TNS1: variants seen among roughly 807,000 people sequenced by gnomAD.
TNS1 encodes tensin-1.
TNS1 carries 62 observed loss-of-function variants against 168.6 expected under a neutral mutation model. The observed-to-expected ratio is 0.37, with a 90% confidence interval of 0.30 to 0.45. The LOEUF (loss-of-function observed/expected upper bound fraction) is 0.45, where lower values mean the gene tolerates loss of function less well. Ranked by LOEUF, TNS1 falls within the 20% of genes least tolerant of loss-of-function variation. TNS1 has a pLI of 1.00. For synonymous variants in TNS1, 934 were observed against 933.2 expected (o/e 1.00, Z -0.02); for missense variants, 2,240 against 2,339.4 (o/e 0.96, Z 0.88).
intron 3 of TNS1, among the ~76,000 whole-genome samples, chr2:217,931,098 T>C (rs1428652031): frequency 6.6e-6 from 1 of 152,054 alleles, no homozygotes; most frequent in Non-Finnish European, 1.5e-5. Flanking sequence ...TGAATGAGGA[T>C]GGCCCCGCCC....
chr2:217,837,708 T>C (rs1459856125), intron 19 of TNS1, among the ~76,000 whole-genome samples: 1 of 152,256 alleles, frequency 6.6e-6, no homozygotes, highest in African/African-American at 2.4e-5. Context: ...AACTAGACTC[T>C]GACCTCACTC....
chr2:217,943,131 C>A (rs1956999082), intron 3 of TNS1, among the ~76,000 whole-genome samples: 1 of 152,102 alleles, frequency 6.6e-6, no homozygotes, highest in Admixed American at 6.5e-5. Flanking sequence ...GTTCATTAAC[C>A]ACCTGGATTA....
chr2:217,803,657 A>C lies in TNS1; in HGVS notation c.*802T>G, dbSNP rs1014900556. On this transcript the variant is annotated 3_prime_UTR_variant, in exon 33 of 33. Coordinates refer to ENST00000682258, the MANE Select transcript of TNS1 (RefSeq NM_001387777.1). ...AGAAGAGAAGGGTCTGGCGGCACCC[A>C]GGGTCACTAGAGTGCAGGTGCAGGC... is the stretch of plus-strand genomic sequence containing the variant. 2 of 152,642 alleles carry C rather than the reference A, an allele frequency of 1.3e-5. No homozygotes were observed. Among genetic ancestry groups the C allele is most frequent in the African/African-American group, 4.8e-5 (2 of 41,438 alleles). 9.5% of individuals were successfully genotyped at this position (152,642 alleles called of 1,614,324 possible). A position where few individuals can be genotyped will look rare whatever the true frequency, so the allele number is the denominator to read the frequency against.
At position 217,809,890 on chromosome 2, in the gene TNS1, G is replaced by C. The variant is rs1381460691; in HGVS notation, c.5206C>G (p.Pro1736Ala). 1 of 1,613,628 alleles carries C rather than the reference G, an allele frequency of 6.2e-7. No individual in the cohort carries two copies. The highest frequency in any genetic ancestry group is 8.5e-7 in the Non-Finnish European group (1 of 1,179,702). ...TTGAAGTGAACGATGGTGGCAGCTG[G>C]CGTGGGGTCTGCAGCCAACGTCTCA... ...TSETLAADPT[P>A]AATIVHFKVS... Residue 1736 changes from proline to alanine, a missense_variant, in exon 30 of 33, where the codon CCA (proline) becomes GCA (alanine). By Grantham distance (27) the Pro-to-Ala change is conservative. Around this residue, in one of 2 missense-constraint regions of TNS1, gnomAD observed 109 missense variants for 168.1 expected, o/e 0.65. Coordinates refer to ENST00000682258, the MANE Select transcript of TNS1 (RefSeq NM_001387777.1).
intron 21 of TNS1, among the ~76,000 whole-genome samples, chr2:217,832,758 CA>C (rs1341727700): frequency 6.6e-6 from 1 of 152,210 alleles, no homozygotes; most frequent in Non-Finnish European, 1.5e-5. Context: ...GAAGATATCA[CA>C]GGGGTCCGGA....
chr2:218,004,405 G>C (rs934037), upstream of TNS1, among the ~76,000 whole-genome samples: 121,416 of 151,974 alleles, frequency 0.8, 48,661 homozygotes, highest in East Asian at 0.95. Flanking sequence ...CCATGCCGCT[G>C]TCTGTCAGCA....
At chr2:217,846,820 C>T (rs1189394667) in intron 19 of TNS1, among the ~76,000 whole-genome samples, 2 of 152,238 alleles carry the variant, frequency 1.3e-5, no homozygotes, top group Non-Finnish European at 2.9e-5. Context: ...GGAAAAGGAG[C>T]TTTGTCTCTC....
chr2:217,929,642 TGAC>T (rs1212909965), intron 3 of TNS1, among the ~76,000 whole-genome samples: 1 of 151,868 alleles, frequency 6.6e-6, no homozygotes, highest in East Asian at 1.9e-4. Context: ...TGCATGGCAC[TGAC>T]AACACCTGCC....
chr2:218,007,400 T>C (rs1958667764), upstream of TNS1, among the ~76,000 whole-genome samples: 1 of 152,126 alleles, frequency 6.6e-6, no homozygotes, highest in Non-Finnish European at 1.5e-5. Context: ...GCTAGTATGA[T>C]GTGTGAAAAT....
chr2:217,882,733 A>AATTTT (rs574032856), intron 16 of TNS1, among the ~76,000 whole-genome samples: 33 of 152,052 alleles, frequency 2.2e-4, no homozygotes, highest in African/African-American at 6.0e-4. Flanking sequence ...TCTAGATCCC[A>AATTTT]ATTTTATTTT....
intron 3 of TNS1, among the ~76,000 whole-genome samples, chr2:217,947,032 CT>C (rs1957127647): frequency 6.6e-6 from 1 of 151,200 alleles, no homozygotes; most frequent in African/African-American, 2.4e-5. Flanking sequence ...GCTCAGCCCC[CT>C]GGCTCCCTCC....
intron 3 of TNS1, among the ~76,000 whole-genome samples, chr2:217,958,185 T>C (rs1002829961): frequency 6.6e-6 from 1 of 152,140 alleles, no homozygotes; most frequent in African/African-American, 2.4e-5. Context: ...TCACTTAGAA[T>C]ACATAAAAGG....
Position 217,876,331 on chromosome 2 carries a change from G to C in TNS1, c.1429+4567C>G, listed in dbSNP as rs536157297. Among the ~76,000 whole-genome samples the C allele has an allele frequency of 2.0e-5, 3 of 152,306 alleles. No homozygotes were observed. The East Asian group carries it at 5.8e-4, about 29-fold the overall frequency. ...GCGCCACCCCTACCCATGGGGACCTGGAATCTGGGCACGGGGCATCAGAAC... is the reference window on the plus strand; with the variant it reads ...GCGCCACCCCTACCCATGGGGACCTCGAATCTGGGCACGGGGCATCAGAAC... On this transcript the variant is annotated intron_variant, in intron 18 of 32. Transcript: ENST00000682258.
At chr2:217,996,731 C>T (rs2105966370) in intron 1 of TNS1, among the ~76,000 whole-genome samples, 1 of 152,236 alleles carries the variant, frequency 6.6e-6, no homozygotes, top group East Asian at 1.9e-4. Flanking sequence ...GCTCTTGCAG[C>T]AGCCTCCTGG....
rs114913911 is a variant in TNS1, at chr2:217,900,714, C to T, written c.322-202G>A. 2.2e-3 allele frequency: 1,362 copies of T among 610,232 alleles called. 12 individuals are homozygous for T. Among genetic ancestry groups the T allele is most frequent in the African/African-American group, 0.021 (1,132 of 53,322 alleles). The allele number at this position is 610,232 out of a possible 1,614,324, so 37.8% of individuals were successfully genotyped here. On this transcript the variant is annotated intron_variant, in intron 6 of 32. Coordinates refer to ENST00000682258, the MANE Select transcript of TNS1 (RefSeq NM_001387777.1). ...ACTGATTCCACGTGAGTGTGCCTGC[C>T]TGTGTGCAAGCCCCAGAGGGACAAA...
At chr2:217,890,664 T>C in intron 12 of TNS1, 1 of 462,066 alleles carries the variant, frequency 2.2e-6, no homozygotes, top group Non-Finnish European at 4.0e-6. Flanking sequence ...GCACATGCCT[T>C]CCTAGACCAG....
intron 20 of TNS1, 84 bp downstream of exon 20, chr2:217,835,931 T>C: frequency 8.1e-7 from 1 of 1,238,838 alleles, no homozygotes; most frequent in Non-Finnish European, 1.2e-6. Context: ...CTGATATCAG[T>C]GCCAAGTTGA....
chr2:217,848,827 C>T lies in TNS1; in HGVS notation c.1690G>A (p.Glu564Lys), dbSNP rs1947066634. The T allele has an allele frequency of 6.2e-7, 1 of 1,614,074 alleles. No individual in the cohort carries two copies. The highest frequency in any genetic ancestry group is 8.5e-7 in the Non-Finnish European group (1 of 1,180,036). ...AAGCCACTCAGCAGGCGGTCCAGCT[C>T]CCGCTTCTCCTGGGGACTCAAGGCA... ...TAALSPQEKR[E>K]LDRLLSGFGL... The change falls in exon 19 of 33, where the codon GAG (glutamate) becomes AAG (lysine). Residue 564 changes from glutamate (E) to lysine (K), a missense_variant. Transcript: ENST00000682258.
At chr2:217,897,226 C>T (rs1389732657) in intron 8 of TNS1, among the ~76,000 whole-genome samples, 1 of 152,186 alleles carries the variant, frequency 6.6e-6, no homozygotes, top group African/African-American at 2.4e-5. Flanking sequence ...TAGTGGAGAC[C>T]ACCGCCAGCA....
Sources: allele counts gnomAD v4.1 joint callset (sites outside exome capture counted in the v4.1 genomes callset), GRCh38; gene constraint gnomAD v4.1.1; regional missense constraint gnomAD v4.1.1; transcripts MANE v1.5; gene names NCBI Gene and HGNC (gene_info 2026-07-23, HGNC 2026-07-21).